Variants in ALDH1L1 observed in about 807,000 individuals in gnomAD.
The protein encoded by ALDH1L1 is aldehyde dehydrogenase 1 family member L1, also known as cytosolic 10-formyltetrahydrofolate dehydrogenase.
In ALDH1L1, 68 loss-of-function variants were observed where a neutral mutation model predicts 101.1. The ratio of observed to expected loss-of-function variants is 0.67; its 90% confidence interval spans 0.55 to 0.82. ALDH1L1 has a LOEUF of 0.82. Ranked by LOEUF, ALDH1L1 falls within the 40% of genes least tolerant of loss-of-function variation. ALDH1L1 has a pLI of 0.00. For synonymous variants in ALDH1L1, 486 were observed against 470.8 expected (o/e 1.03, Z -0.42); for missense variants, 1,087 against 1,172.7 (o/e 0.93, Z 1.07).
chr3:126,193,067 C>T (rs146496288), intron 1 of ALDH1L1, among the ~76,000 whole-genome samples: 4 of 152,256 alleles, frequency 2.6e-5, no homozygotes, highest in Non-Finnish European at 5.9e-5. Flanking sequence ...CAGGACTCAG[C>T]GACTGTTACA....
chr3:126,110,531 G>A (rs1946045277), intron 19 of ALDH1L1, among the ~76,000 whole-genome samples: 1 of 152,170 alleles, frequency 6.6e-6, no homozygotes, highest in African/African-American at 2.4e-5. Context: ...CACCAGCCCT[G>A]CTGCAATAGT....
At chr3:126,105,946 G>T (rs1388432295) in intron 21 of ALDH1L1, 21 bp from the exon 22 acceptor site, 1 of 1,609,086 alleles carries the variant, frequency 6.2e-7, no homozygotes, top group Non-Finnish European at 8.5e-7. Context: ...AGTCCAGGAA[G>T]AACTCCCTGA....
chr3:126,180,667 G>T, upstream of ALDH1L1: 1 of 1,346,708 alleles, frequency 7.4e-7, no homozygotes, highest in South Asian at 1.7e-5. Flanking sequence ...CAGCCGAGTG[G>T]GGGCGGCGCT....
intron 6 of ALDH1L1, 91 bp from the exon 7 acceptor site, chr3:126,153,672 G>T: frequency 6.7e-7 from 1 of 1,494,984 alleles, no homozygotes; most frequent in South Asian, 1.3e-5. Context: ...CTGGGAGAGG[G>T]AGAGGGGCCA....
Position 126,103,616 on chromosome 3 carries a change from C to T in ALDH1L1, c.*175G>A, listed in dbSNP as rs1470413092. The T allele has an allele frequency of 1.5e-6, 1 of 651,338 alleles. No homozygotes were observed. 40.3% of individuals were successfully genotyped at this position (651,338 alleles called of 1,614,324 possible). A position where few individuals can be genotyped will look rare whatever the true frequency, so the allele number is the denominator to read the frequency against. ...CTCCCTGGGAGGGGCACACCTCACC[C>T]AGCCAAGGGCTGCTTCTGACTGGAC... On this transcript the variant is annotated 3_prime_UTR_variant, in exon 23 of 23. Transcript: ENST00000393434.
Position 126,171,985 on chromosome 3 carries a change from C to G in ALDH1L1, c.-24+8491G>C, listed in dbSNP as rs552968582. Among the ~76,000 whole-genome samples the G allele has an allele frequency of 1.2e-4, 19 of 152,224 alleles. No homozygotes were observed. The South Asian group carries it at 3.9e-3, about 32-fold the overall frequency. On this transcript the variant is annotated intron_variant, in intron 1 of 22. Coordinates refer to ENST00000393434, the MANE Select transcript of ALDH1L1 (RefSeq NM_012190.4). ...AAGCCAGAGCCTATTTAAGGAGTTTCTACAAAAACCCAAAGACAACAGGGT... is the reference window on the plus strand; with the variant it reads ...AAGCCAGAGCCTATTTAAGGAGTTTGTACAAAAACCCAAAGACAACAGGGT...
chr3:126,107,664 G>A (rs187003270), intron 20 of ALDH1L1, among the ~76,000 whole-genome samples: 86 of 152,320 alleles, frequency 5.6e-4, no homozygotes, highest in Non-Finnish European at 9.4e-4. Context: ...GCTACAACCC[G>A]TGGAGTAGGA....
chr3:126,144,608 A>T (rs2080635298), intron 9 of ALDH1L1, among the ~76,000 whole-genome samples: 1 of 152,254 alleles, frequency 6.6e-6, no homozygotes, highest in Non-Finnish European at 1.5e-5. Flanking sequence ...GGGAAGCGAT[A>T]GTCCCTTCAA....
At chr3:126,147,179 C>G (rs536312095) in intron 8 of ALDH1L1, among the ~76,000 whole-genome samples, 10 of 152,314 alleles carry the variant, frequency 6.6e-5, no homozygotes, top group Admixed American at 2.0e-4. Context: ...TCACCTCAAC[C>G]CCCAGCTTCT....
chr3:126,124,325 G>A, intron 16 of ALDH1L1, 39 bp downstream of exon 16: 2 of 1,556,164 alleles, frequency 1.3e-6, no homozygotes, highest in Non-Finnish European at 1.8e-6. Context: ...ATCTCCAGCT[G>A]CCAGAAGCCC....
intron 17 of ALDH1L1, chr3:126,115,250 A>G: frequency 2.7e-6 from 1 of 365,834 alleles, no homozygotes; most frequent in African/African-American, 2.1e-5. Flanking sequence ...TCATGAACAC[A>G]TCACATCAGT....
Position 126,130,229 on chromosome 3 carries a change from G to A in ALDH1L1, c.1688C>T (p.Pro563Leu). Residue 563 changes from proline (P) to leucine (L), a missense_variant, in exon 14 of 23, where the codon CCT (proline) becomes CTT (leucine). Pro to Leu is a moderately conservative substitution (Grantham distance 98). Transcript: ENST00000393434. ...NRNLTLTRKE[P>L]VGVCGIIIPW... ...GCCCTGGGCAGGAACTCACCCAACAGGCTCCTTCCTGGTCAAGGTCAGGTT... is the reference window on the plus strand; with the variant it reads ...GCCCTGGGCAGGAACTCACCCAACAAGCTCCTTCCTGGTCAAGGTCAGGTT... 6.2e-7 allele frequency: 1 copy of A among 1,608,676 alleles called. No individual in the cohort carries two copies. Among genetic ancestry groups the A allele is most frequent in the Non-Finnish European group, 8.5e-7 (1 of 1,177,472 alleles).
intron 1 of ALDH1L1, chr3:126,180,046 G>A (rs2081443609): frequency 6.6e-6 from 1 of 152,306 alleles, no homozygotes; most frequent in Admixed American, 6.5e-5. Flanking sequence ...ACAGAATGGG[G>A]TCGAGGGGCC....
chr3:126,171,144 A>T (rs1205450475), intron 1 of ALDH1L1, among the ~76,000 whole-genome samples: 1 of 152,094 alleles, frequency 6.6e-6, no homozygotes, highest in Admixed American at 6.5e-5. Context: ...TAAAACTACA[A>T]AAAATTAGCC....
chr3:126,187,485 G>C (rs900528909), intron 1 of ALDH1L1, among the ~76,000 whole-genome samples: 1 of 152,146 alleles, frequency 6.6e-6, no homozygotes, highest in African/African-American at 2.4e-5. Flanking sequence ...GCAGGAGAGG[G>C]AAGCTCGAGC....
chr3:126,161,908 TCTAAC>T (rs2081062716), intron 1 of ALDH1L1, among the ~76,000 whole-genome samples: 2 of 150,214 alleles, frequency 1.3e-5, no homozygotes, highest in African/African-American at 4.9e-5. Context: ...TGATGGGACT[TCTAAC>T]AGCATCGAAT....
rs572207996 is a variant in ALDH1L1 at position 126,135,675 on chromosome 3, CAGAGCCATGACA to C, written c.1345-25_1345-14del. ...CCTGGCAGATGACCTATAGTGGAAG[CAGAGCCATGACA>C]AGTTCTCCCTAAGCCAGTTGCACAC... On this transcript the variant is annotated splice_polypyrimidine_tract_variant and intron_variant, in intron 11 of 22. Coordinates refer to ENST00000393434, the MANE Select transcript of ALDH1L1 (RefSeq NM_012190.4). The C allele has an allele frequency of 1.1e-4, 164 of 1,518,804 alleles. 1 individual carries two copies. The African/African-American group carries it at 2.0e-3, about 19-fold the overall frequency. 94.1% of individuals were successfully genotyped at this position (1,518,804 alleles called of 1,614,324 possible).
At chr3:126,166,876 A>G (rs2081178483) in intron 1 of ALDH1L1, among the ~76,000 whole-genome samples, 1 of 152,208 alleles carries the variant, frequency 6.6e-6, no homozygotes, top group Non-Finnish European at 1.5e-5. Context: ...CCACTGGGGA[A>G]TTCAAGTTAA....
chr3:126,184,095 G>A (rs2108350674), upstream of ALDH1L1, among the ~76,000 whole-genome samples: 4 of 152,344 alleles, frequency 2.6e-5, no homozygotes, highest in South Asian at 8.3e-4. Context: ...GTAACTGTGT[G>A]ATTTCCGAAT....
Sources: gnomAD v4.1 joint callset for allele counts (sites outside exome capture counted in the v4.1 genomes callset) on GRCh38, gnomAD v4.1.1 for gene constraint, MANE v1.5 for transcripts, NCBI Gene and HGNC (gene_info 2026-07-23, HGNC 2026-07-21) for gene names.